Variants in PPP1R12C observed in about 807,000 individuals in gnomAD.
PPP1R12C encodes the protein protein phosphatase 1 regulatory subunit 12C.
In PPP1R12C, 48 loss-of-function variants were observed where a neutral mutation model predicts 95.6. The ratio of observed to expected loss-of-function variants is 0.50; its 90% CI spans 0.40 to 0.64. The LOEUF (loss-of-function observed/expected upper bound fraction) is 0.64. Ranked by LOEUF, PPP1R12C falls within the 30% of genes least tolerant of loss-of-function variation. The pLI is 0.00. For synonymous variants in PPP1R12C, 480 were observed against 460.8 expected, an observed-to-expected ratio of 1.04 and a Z score of -0.53; for missense variants, 1,057 against 1,083.3, an observed-to-expected ratio of 0.98 and a Z score of 0.34.
At chr19:55,104,302 T>C (rs1450326415) in intron 3 of PPP1R12C, among the ~76,000 whole-genome samples, 2 of 148,578 alleles carry the variant, frequency 1.3e-5, no homozygotes, top group African/African-American at 4.9e-5. Flanking sequence ...CACCTATATA[T>C]ACACATTTCC....
chr19:55,095,704 G>GC, intron 9 of PPP1R12C, 101 bp from the exon 10 acceptor site: 1 of 1,505,712 alleles, frequency 6.6e-7, no homozygotes, highest in Non-Finnish European at 9.0e-7. Flanking sequence ...ATTCCCATCA[G>GC]CCCCCGGGGC....
Position 55,092,655 on chromosome 19 carries a change from T to G in PPP1R12C, c.1919A>C (p.Glu640Ala), listed in dbSNP as rs1243111109. The change falls in exon 17 of 22, where the codon GAG becomes GCG. Residue 640 changes from glutamate to alanine, a missense_variant. By Grantham distance (107) the Glu-to-Ala change is moderately radical. Coordinates refer to ENST00000263433, the MANE Select transcript of PPP1R12C (RefSeq NM_017607.4). Reference sequence around the variant, plus strand: ...CTGGCTGCGGTCAGCCGGCTCCGCCTCCTCCCCCTGTGGGCAGGTAGACGG... The same window carrying G: ...CTGGCTGCGGTCAGCCGGCTCCGCCGCCTCCCCCTGTGGGCAGGTAGACGG... ...KEWRGPAEGE[E>A]AEPADRSQES... is the part of the protein sequence containing the mutation. 7 of 1,523,556 alleles carry G rather than the reference T, an allele frequency of 4.6e-6. No individual in the cohort carries two copies. The highest frequency in any genetic ancestry group is 6.2e-6 in the Non-Finnish European group (7 of 1,136,952). The allele number at this position is 1,523,556 out of a possible 1,614,324, so 94.4% of individuals were successfully genotyped here.
At position 55,112,733 on chromosome 19, in the gene PPP1R12C, G is replaced by A; in HGVS notation, c.384C>T (p.Asn128=). The A allele has an allele frequency of 6.2e-7, 1 of 1,613,788 alleles. No homozygotes were observed. The highest frequency in any genetic ancestry group is 8.5e-7 in the Non-Finnish European group (1 of 1,179,978). ...RFLVEQGATV[N]QADNEGWTPL... is the part of the protein sequence containing the mutation. Reference sequence around the variant, plus strand: ...GCGTCCAGCCCTCGTTGTCTGCCTGGTTCACAGTGGCGCCCTGCTCCACCA... The same window carrying A: ...GCGTCCAGCCCTCGTTGTCTGCCTGATTCACAGTGGCGCCCTGCTCCACCA... Residue 128 remains asparagine (N), a synonymous_variant, in exon 2 of 22, where the codon AAC becomes AAT. Transcript: ENST00000263433.
chr19:55,111,860 T>C (rs1049012111), intron 3 of PPP1R12C: 1 of 152,038 alleles, frequency 6.6e-6, no homozygotes, highest in African/African-American at 2.4e-5. Context: ...GAGTCACCAG[T>C]CACAGGCAGA....
chr19:55,113,405 C>A, intron 1 of PPP1R12C: 1 of 1,486,130 alleles, frequency 6.7e-7, no homozygotes, highest in Admixed American at 2.3e-5. Flanking sequence ...TGTGCCTGGG[C>A]CCCAGGCTGT....
chr19:55,097,472 A>G (rs1459163159), intron 6 of PPP1R12C, among the ~76,000 whole-genome samples: 7 of 120,298 alleles, frequency 5.8e-5, no homozygotes, highest in African/African-American at 2.2e-4. Flanking sequence ...CACCGTCTTC[A>G]CACCTTCCCC....
At chr19:55,094,888 T>C in intron 11 of PPP1R12C, 90 bp from the exon 12 acceptor site, 1 of 1,413,508 alleles carries the variant, frequency 7.1e-7, no homozygotes, top group Non-Finnish European at 9.7e-7. Flanking sequence ...AAACAAATTA[T>C]CTGGGCCACA....
chr19:55,095,375 A>C lies in PPP1R12C; in HGVS notation c.1387-17T>G. On this transcript the variant is annotated splice_polypyrimidine_tract_variant and intron_variant, in intron 10 of 21. Coordinates refer to ENST00000263433, the MANE Select transcript of PPP1R12C (RefSeq NM_017607.4). ...CTCCTTGGCCTGTGTGGAGAGGAGAAGGGGAGGAAGGGGCAGTTCCCTCGA... is the reference window on the plus strand; with the variant it reads ...CTCCTTGGCCTGTGTGGAGAGGAGACGGGGAGGAAGGGGCAGTTCCCTCGA... 6.3e-7 allele frequency: 1 copy of C among 1,581,878 alleles called. No individual in the cohort carries two copies. The highest frequency in any genetic ancestry group is 8.6e-7 in the Non-Finnish European group (1 of 1,164,270).
Position 55,096,008 on chromosome 19 carries a change from C to T in PPP1R12C, c.1153+43G>A, listed in dbSNP as rs2147184066. The stretch of plus-strand genomic sequence containing the variant: ...TGCCTCTAGATTCAGAGAACCCGAC[C>T]CCTCCTCCCTCGGACCCAGGAGTCC... On this transcript the variant is annotated intron_variant, in intron 8 of 21. Coordinates refer to ENST00000263433, the MANE Select transcript of PPP1R12C (RefSeq NM_017607.4). 1.9e-6 allele frequency: 3 copies of T among 1,607,274 alleles called. No homozygotes were observed. In the East Asian group the frequency reaches 6.7e-5, roughly 36 times the overall value.
rs1467107506 is a variant in PPP1R12C at position 55,117,504 on chromosome 19, CCG to C, written c.38_39del (p.Ala13GlyfsTer98). On this transcript the variant is annotated frameshift_variant, in exon 1 of 22. Coordinates refer to ENST00000263433, the MANE Select transcript of PPP1R12C (RefSeq NM_017607.4). LOFTEE classifies it high-confidence loss of function. ...CGCCGCTCCCGGGCAGCCGCCGCCGCCGCCCCCGGGCCAGCCGCCGGGCCATC... is the reference window on the plus strand; with the variant it reads ...CGCCGCTCCCGGGCAGCCGCCGCCGCCCCCCGGGCCAGCCGCCGGGCCATC... ...GEDGPAAGPG[A>X]AAAAARERRR... 1 of 1,027,218 alleles carries C rather than the reference CCG, an allele frequency of 9.7e-7. No homozygotes were observed. The highest frequency in any genetic ancestry group is 1.2e-6 in the Non-Finnish European group (1 of 857,494). 63.6% of individuals were successfully genotyped at this position (1,027,218 alleles called of 1,614,324 possible).
At chr19:55,103,375 A>T in intron 4 of PPP1R12C, 34 bp downstream of exon 4, 1 of 1,425,832 alleles carries the variant, frequency 7.0e-7, no homozygotes, top group Non-Finnish European at 9.3e-7. Context: ...GGAAGGTATA[A>T]GACAGCAAGA....
At chr19:55,104,217 C>A (rs1303558902) in intron 3 of PPP1R12C, among the ~76,000 whole-genome samples, 12 of 112,532 alleles carry the variant, frequency 1.1e-4, no homozygotes, top group African/African-American at 2.7e-4. Context: ...CACACACATA[C>A]AAAAATATAA....
chr19:55,100,676 G>A (rs922654514), intron 4 of PPP1R12C, among the ~76,000 whole-genome samples: 4 of 152,212 alleles, frequency 2.6e-5, no homozygotes, highest in East Asian at 1.9e-4. Context: ...GCAGTGGCAC[G>A]ATCTCCACTG....
At chr19:55,092,022 C>T in intron 19 of PPP1R12C, 113 bp from the exon 20 acceptor site, 1 of 1,332,730 alleles carries the variant, frequency 7.5e-7, no homozygotes, top group South Asian at 1.2e-5. Context: ...ACAAGCCCTT[C>T]CCCCACGGGC....
At chr19:55,115,671 G>C (rs1188741876) in intron 1 of PPP1R12C, among the ~76,000 whole-genome samples, 2 of 152,176 alleles carry the variant, frequency 1.3e-5, no homozygotes, top group Non-Finnish European at 2.9e-5. Context: ...TAAGGAATCT[G>C]CCTAACAGGA....
rs1213998737 is a variant in PPP1R12C, at chr19:55,112,764, C to A, written c.353G>T (p.Arg118Leu). The change falls in exon 2 of 22, where the codon CGC (arginine) becomes CTC (leucine). Residue 118 changes from arginine to leucine, a missense_variant. By Grantham distance (102) the Arg-to-Leu change is moderately radical. Coordinates refer to ENST00000263433, the MANE Select transcript of PPP1R12C (RefSeq NM_017607.4). Reference protein sequence around the residue: ...ACIDENLEVVRFLVEQGATVN... With the variant: ...ACIDENLEVVLFLVEQGATVN... Reference sequence around the variant, plus strand: ...AGTGGCGCCCTGCTCCACCAAGAAGCGCACCACCTCCAGGTTCTCATCAAT... The same window carrying A: ...AGTGGCGCCCTGCTCCACCAAGAAGAGCACCACCTCCAGGTTCTCATCAAT... 6.2e-7 allele frequency: 1 copy of A among 1,613,406 alleles called. No individual in the cohort carries two copies. The highest frequency in any genetic ancestry group is 8.5e-7 in the Non-Finnish European group (1 of 1,179,992).
intron 3 of PPP1R12C, among the ~76,000 whole-genome samples, chr19:55,104,199 T>TATATATATACACAC (rs34075382): frequency 7.6e-4 from 91 of 120,022 alleles, no homozygotes; most frequent in African/African-American, 2.9e-3. Flanking sequence ...TATATATATA[T>TATATATATACACAC]ACACACACAC....
chr19:55,106,793 G>A (rs564148335), intron 3 of PPP1R12C, among the ~76,000 whole-genome samples: 16 of 152,194 alleles, frequency 1.1e-4, no homozygotes, highest in Admixed American at 9.8e-4. Flanking sequence ...CAATGTGACC[G>A]GGCCCATAGC....
At chr19:55,091,961 C>T in intron 19 of PPP1R12C, 52 bp from the exon 20 acceptor site, 1 of 1,601,812 alleles carries the variant, frequency 6.2e-7, no homozygotes, top group Non-Finnish European at 8.5e-7. Context: ...CAGCACTGCT[C>T]TGAAGGGTCC....
Sources: gnomAD v4.1 joint callset for allele counts (sites outside exome capture counted in the v4.1 genomes callset) on GRCh38, gnomAD v4.1.1 for gene constraint, MANE v1.5 for transcripts, NCBI Gene and HGNC (gene_info 2026-07-23, HGNC 2026-07-21) for gene names.